LSAMP: variants seen among roughly 807,000 people sequenced by gnomAD.
The protein encoded by LSAMP is limbic system associated membrane protein, also known as limbic system-associated membrane protein.
A neutral mutation model predicts 38.6 loss-of-function variants in LSAMP; 7 were observed. That is an observed-to-expected ratio of 0.18 (90% CI 0.10 to 0.34). LSAMP has a LOEUF of 0.34. LSAMP is among the 10% of genes least tolerant of loss of function. The pLI is 1.00. For missense variants in LSAMP, 313 were observed against 420.0 expected, an observed-to-expected ratio of 0.75 and a Z score of 2.23; for synonymous variants, 154 against 166.8, an observed-to-expected ratio of 0.92 and a Z score of 0.59.
At chr3:116,024,246 C>T (rs1164445101) in intron 2 of LSAMP, among the ~76,000 whole-genome samples, 1 of 152,074 alleles carries the variant, frequency 6.6e-6, no homozygotes, top group African/African-American at 2.4e-5. Flanking sequence ...CTGAATCTTA[C>T]AGAGCATGGT....
intron 1 of LSAMP, among the ~76,000 whole-genome samples, chr3:116,248,817 G>A (rs1234792186): frequency 6.6e-6 from 1 of 152,044 alleles, no homozygotes; most frequent in Non-Finnish European, 1.5e-5. Flanking sequence ...ATGTGTGAAA[G>A]GCTGGCATTT....
intron 1 of LSAMP, among the ~76,000 whole-genome samples, chr3:116,171,688 G>T (rs554981841): frequency 7.2e-5 from 11 of 152,120 alleles, no homozygotes; most frequent in African/African-American, 2.6e-4. Flanking sequence ...CAGAATCTCT[G>T]GGCCCTTCTG....
intron 3 of LSAMP, among the ~76,000 whole-genome samples, chr3:115,901,555 A>C (rs537184544): frequency 6.6e-6 from 1 of 152,250 alleles, no homozygotes; most frequent in East Asian, 1.9e-4. Flanking sequence ...TCTCCCACAA[A>C]ACCAGCGTAT....
chr3:116,189,106 T>C (rs976066091), intron 1 of LSAMP, among the ~76,000 whole-genome samples: 2 of 152,110 alleles, frequency 1.3e-5, no homozygotes, highest in Non-Finnish European at 2.9e-5. Context: ...CAAGTAAACA[T>C]ATAGTTTCAG....
At chr3:116,036,552 A>C (rs1033258402) in intron 2 of LSAMP, among the ~76,000 whole-genome samples, 3 of 152,112 alleles carry the variant, frequency 2.0e-5, no homozygotes, top group Non-Finnish European at 1.5e-5. Flanking sequence ...AGCCCACCCC[A>C]ATTATAAATC....
chr3:115,838,536 T>C (rs1559844150), intron 6 of LSAMP, among the ~76,000 whole-genome samples: 1 of 152,216 alleles, frequency 6.6e-6, no homozygotes, highest in Non-Finnish European at 1.5e-5. Context: ...ATTGGATTAA[T>C]GTATTCAAAA....
At chr3:116,198,627 C>T (rs1055772030) in intron 1 of LSAMP, among the ~76,000 whole-genome samples, 2 of 151,872 alleles carry the variant, frequency 1.3e-5, no homozygotes, top group Non-Finnish European at 2.9e-5. Flanking sequence ...AAAAATTAGC[C>T]GGGCTTCGTA....
At chr3:116,377,306 A>ACTT (rs2048506371) in intron 1 of LSAMP, among the ~76,000 whole-genome samples, 1 of 151,618 alleles carries the variant, frequency 6.6e-6, no homozygotes, top group African/African-American at 2.4e-5. Context: ...TTCAGCTCCC[A>ACTT]CTTATAAGTG....
At chr3:116,359,700 G>A (rs1324071729) in intron 1 of LSAMP, among the ~76,000 whole-genome samples, 113 of 152,286 alleles carry the variant, frequency 7.4e-4, no homozygotes, top group Non-Finnish European at 2.8e-4. Flanking sequence ...TGACAAACCT[G>A]TCAAAACTAA....
At chr3:115,890,959 T>A in intron 3 of LSAMP, among the ~76,000 whole-genome samples, 1 of 151,950 alleles carries the variant, frequency 6.6e-6, no homozygotes, top group Non-Finnish European at 1.5e-5. Flanking sequence ...TTTCCATGTG[T>A]GCCCTGATGG....
At chr3:115,896,425 G>C (rs540797000) in intron 3 of LSAMP, among the ~76,000 whole-genome samples, 2 of 152,158 alleles carry the variant, frequency 1.3e-5, no homozygotes, top group Admixed American at 6.6e-5. Context: ...GTTGAGTGAG[G>C]TGTAATATAC....
intron 1 of LSAMP, among the ~76,000 whole-genome samples, chr3:116,163,683 A>G (rs1709958031): frequency 6.6e-6 from 1 of 152,172 alleles, no homozygotes; most frequent in South Asian, 2.1e-4. Context: ...ACTAGTTTAT[A>G]GTCCCACCAA....
intron 1 of LSAMP, among the ~76,000 whole-genome samples, chr3:116,414,052 C>T (rs948563803): frequency 6.6e-6 from 1 of 151,974 alleles, no homozygotes; most frequent in Non-Finnish European, 1.5e-5. Flanking sequence ...TGAAAATATC[C>T]AATTGAAGGA....
At chr3:116,020,159 C>T (rs1414798013) in intron 2 of LSAMP, among the ~76,000 whole-genome samples, 1 of 151,978 alleles carries the variant, frequency 6.6e-6, no homozygotes, top group Non-Finnish European at 1.5e-5. Context: ...GATTAATCAC[C>T]ACAATAGAAA....
intron 2 of LSAMP, among the ~76,000 whole-genome samples, chr3:116,038,753 C>T (rs1012972745): frequency 2.0e-5 from 3 of 152,126 alleles, no homozygotes; most frequent in Non-Finnish European, 4.4e-5. Context: ...TCAGAAAGAC[C>T]ACGAAGGGCA....
chr3:116,274,072 G>A (rs965927838), intron 1 of LSAMP, among the ~76,000 whole-genome samples: 3 of 149,390 alleles, frequency 2.0e-5, no homozygotes, highest in African/African-American at 7.4e-5. Context: ...TTTCAGAGGA[G>A]TTTTCTGGAC....
chr3:115,874,259 C>T (rs766277122), intron 3 of LSAMP, among the ~76,000 whole-genome samples: 2 of 152,062 alleles, frequency 1.3e-5, no homozygotes, highest in Non-Finnish European at 2.9e-5. Context: ...TCCTTCTCCT[C>T]AGTCTTTGGG....
intron 1 of LSAMP, among the ~76,000 whole-genome samples, chr3:116,411,928 C>G (rs1008325851): frequency 6.6e-6 from 1 of 151,710 alleles, no homozygotes; most frequent in African/African-American, 2.4e-5. Context: ...TAAGTTTGAC[C>G]CCCATTTCTC....
At chr3:116,196,438 C>T (rs1000246915) in intron 1 of LSAMP, among the ~76,000 whole-genome samples, 1 of 152,064 alleles carries the variant, frequency 6.6e-6, no homozygotes, top group African/African-American at 2.4e-5. Context: ...TCATGTCATG[C>T]GAATTGACCA....
Sources: gnomAD v4.1 joint callset for allele counts (sites outside exome capture counted in the v4.1 genomes callset) on GRCh38, gnomAD v4.1.1 for gene constraint, MANE v1.5 for transcripts, NCBI Gene and HGNC (gene_info 2026-07-23, HGNC 2026-07-21) for gene names.